STK4: variants seen among roughly 807,000 people sequenced by gnomAD.
The protein encoded by STK4 is serine/threonine kinase 4.
Under a neutral mutation model 64.9 loss-of-function variants are expected in STK4, and 30 were observed. The ratio of observed to expected loss-of-function variants is 0.46; its 90% CI spans 0.35 to 0.63. The LOEUF (loss-of-function observed/expected upper bound fraction) is 0.63. Among genes scored for constraint, STK4 ranks in the 20% least tolerant of loss-of-function variants. The probability of loss-of-function intolerance (pLI) is 0.01; values close to 1 mark genes in which losing one functional copy is unlikely to be tolerated. For missense variants in STK4, 466 were observed against 598.5 expected, an observed-to-expected ratio of 0.78 and a Z score of 2.31; for synonymous variants, 177 against 199.0, an observed-to-expected ratio of 0.89 and a Z score of 0.93.
chr20:44,980,502 A>G (rs1601192156), intron 3 of STK4, among the ~76,000 whole-genome samples: 1 of 152,178 alleles, frequency 6.6e-6, no homozygotes, highest in Non-Finnish European at 1.5e-5. Flanking sequence ...CTTGTTTGGT[A>G]TCTCTCTTCC....
chr20:45,005,647 C>CAAAAAA (rs1214893882), intron 9 of STK4, among the ~76,000 whole-genome samples: 10 of 65,652 alleles, frequency 1.5e-4, no homozygotes, highest in African/African-American at 4.3e-4. Flanking sequence ...GACTCTGTCT[C>CAAAAAA]AAAAAAAAAA....
intron 10 of STK4, among the ~76,000 whole-genome samples, chr20:45,065,609 C>G (rs952126414): frequency 6.9e-6 from 1 of 144,566 alleles, no homozygotes; most frequent in African/African-American, 2.5e-5. Context: ...GTGAATCCAT[C>G]TGGTCCTGGT....
At chr20:45,024,541 G>A (rs2068309905) in intron 9 of STK4, among the ~76,000 whole-genome samples, 1 of 152,096 alleles carries the variant, frequency 6.6e-6, no homozygotes, top group Non-Finnish European at 1.5e-5. Context: ...TCACCCTACT[G>A]TATCATCCCC....
At chr20:44,969,264 AGTT>A (rs1243548750) in intron 1 of STK4, among the ~76,000 whole-genome samples, 2 of 152,228 alleles carry the variant, frequency 1.3e-5, no homozygotes, top group Non-Finnish European at 2.9e-5. Context: ...TATCATGTAT[AGTT>A]GTTGTAATCC....
chr20:44,968,781 G>A (rs1360539117), intron 1 of STK4, among the ~76,000 whole-genome samples: 1 of 152,216 alleles, frequency 6.6e-6, no homozygotes, highest in Non-Finnish European at 1.5e-5. Context: ...GCAGGACTGG[G>A]TTCTGAAGTG....
intron 9 of STK4, among the ~76,000 whole-genome samples, chr20:45,011,729 ATTTTTTTTTT>A (rs869113711): frequency 1.7e-5 from 2 of 115,398 alleles, no homozygotes; most frequent in African/African-American, 7.3e-5. Flanking sequence ...ATATATATAT[ATTTTTTTTTT>A]TTTTTTTAAG....
chr20:44,972,400 C>G (rs1256542173), intron 2 of STK4: 1 of 374,198 alleles, frequency 2.7e-6, no homozygotes. Flanking sequence ...ATGATTTTAT[C>G]TACTTAACAG....
intron 2 of STK4, 113 bp from the exon 3 acceptor site, chr20:44,978,330 G>T: frequency 7.7e-7 from 1 of 1,305,758 alleles, no homozygotes; most frequent in Admixed American, 3.0e-5. Flanking sequence ...AAGTGTATAT[G>T]TATTAGGCAC....
chr20:44,973,260 T>C (rs2067282305), intron 2 of STK4: 1 of 152,232 alleles, frequency 6.6e-6, no homozygotes, highest in Admixed American at 6.5e-5. Context: ...TTTTATGATT[T>C]ACCTCCTTGT....
At chr20:45,010,388 CTT>C (rs2145342165) in intron 9 of STK4, among the ~76,000 whole-genome samples, 1 of 152,180 alleles carries the variant, frequency 6.6e-6, no homozygotes, top group South Asian at 2.1e-4. Context: ...TTATATGTAA[CTT>C]ATGTGTTATA....
At chr20:44,982,897 T>C (rs2067466937) in intron 4 of STK4, among the ~76,000 whole-genome samples, 1 of 152,122 alleles carries the variant, frequency 6.6e-6, no homozygotes, top group African/African-American at 2.4e-5. Context: ...TGATATATAC[T>C]ATGAGGAAAA....
At chr20:44,997,060 A>G (rs970476322) in intron 6 of STK4, 109 bp from the exon 7 acceptor site, 36 of 1,503,382 alleles carry the variant, frequency 2.4e-5, no homozygotes, top group Non-Finnish European at 3.1e-5. Flanking sequence ...CTCAGTGGGT[A>G]AGTGAAAAAT....
rs1413745319 is a variant in STK4, at chr20:44,966,529, A to T, written c.-40A>T. ...GCGGGCTCAGGAGGTCCGCGGGAGG[A>T]TGGAGCAGTGAGCGGGTCTGGGCGG... is the stretch of plus-strand genomic sequence containing the variant. On this transcript the variant is annotated 5_prime_UTR_variant, in exon 1 of 11. The change abolishes an upstream ATG in the 5' untranslated region. Transcript: ENST00000372806. 1 of 1,257,410 alleles carries T rather than the reference A, an allele frequency of 8.0e-7. No individual in the cohort carries two copies. Among genetic ancestry groups the T allele is most frequent in the Non-Finnish European group, 1.0e-6 (1 of 991,734 alleles). The allele number at this position is 1,257,410 out of a possible 1,614,324, so 77.9% of individuals were successfully genotyped here.
At chr20:44,983,103 T>A (rs2067470629) in intron 4 of STK4, among the ~76,000 whole-genome samples, 1 of 152,158 alleles carries the variant, frequency 6.6e-6, no homozygotes, top group Admixed American at 6.5e-5. Context: ...GAGTTTGGCA[T>A]GTCTGAGTGA....
chr20:45,053,165 T>G, intron 10 of STK4: 1 of 1,611,172 alleles, frequency 6.2e-7, no homozygotes, highest in Non-Finnish European at 8.5e-7. Context: ...AGATACGCTT[T>G]CTGAGAAACC....
intron 10 of STK4, among the ~76,000 whole-genome samples, chr20:45,049,903 A>C (rs1350029069): frequency 1.3e-5 from 2 of 151,978 alleles, no homozygotes; most frequent in African/African-American, 4.8e-5. Context: ...ATCACTTTCC[A>C]CTTCCTTCCC....
In STK4 at chr20:44,988,533, GTATATATATATATATATA is replaced by G. The variant is rs71197589; in HGVS notation, c.525+1255_525+1272del. 6.4e-4 allele frequency among the ~76,000 whole-genome samples: 65 copies of G among 101,588 alleles called. 1 individual carries two copies. The highest frequency in any genetic ancestry group is 1.3e-3 in the African/African-American group (28 of 21,042). The allele number at this position is 101,588 out of a possible 152,430, so 66.6% of individuals were successfully genotyped here. A position where few individuals can be genotyped will look rare whatever the true frequency, so the allele number is the denominator to read the frequency against. On this transcript the variant is annotated intron_variant, in intron 5 of 10. Coordinates refer to ENST00000372806, the MANE Select transcript of STK4 (RefSeq NM_006282.5). ...TGTGTGTGTATATATATGTGTGTGTGTATATATATATATATATATATATATATATATATATGTATCCAT... is the reference window on the plus strand; with the variant it reads ...TGTGTGTGTATATATATGTGTGTGTGTATATATATATATATATGTATCCAT...
intron 6 of STK4, among the ~76,000 whole-genome samples, chr20:44,995,922 T>A (rs2067722392): frequency 6.6e-6 from 1 of 152,192 alleles, no homozygotes; most frequent in Admixed American, 6.5e-5. Context: ...TAGAGCTGAG[T>A]AGTGGTTCAG....
chr20:45,069,357 G>A (rs1979859320), intron 10 of STK4, among the ~76,000 whole-genome samples: 1 of 152,162 alleles, frequency 6.6e-6, no homozygotes, highest in Admixed American at 6.5e-5. Flanking sequence ...TCTAGGGTTG[G>A]CCCTTATTTT....
Sources: allele counts gnomAD v4.1 joint callset (sites outside exome capture counted in the v4.1 genomes callset), GRCh38; gene constraint gnomAD v4.1.1; transcripts MANE v1.5; gene names NCBI Gene and HGNC (gene_info 2026-07-23, HGNC 2026-07-21).